STX18: variants seen among roughly 807,000 people sequenced by gnomAD.
STX18 encodes syntaxin 18, also known as syntaxin-18.
STX18 carries 40 observed loss-of-function variants against 50.1 expected under a neutral mutation model. The observed-to-expected ratio is 0.80, with a 90% CI of 0.62 to 1.04. STX18 has a LOEUF of 1.04. Among genes scored for constraint, STX18 ranks in the 50% least tolerant of loss-of-function variants. The pLI is 0.00. For synonymous variants in STX18, 158 were observed against 151.8 expected, an observed-to-expected ratio of 1.04 and a Z score of -0.30; for missense variants, 410 against 415.8, an observed-to-expected ratio of 0.99 and a Z score of 0.12.
At chr4:4,471,592 G>A in intron 2 of STX18, 47 bp downstream of exon 2, 1 of 1,332,710 alleles carries the variant, frequency 7.5e-7, no homozygotes, top group Non-Finnish European at 1.0e-6. Flanking sequence ...TATAGGTGTA[G>A]AAAAGAACAC....
chr4:4,423,847 G>C, intron 8 of STX18: 1 of 518,404 alleles, frequency 1.9e-6, no homozygotes, highest in African/African-American at 1.9e-5. Context: ...TCAGTCCCAA[G>C]AGGTGGGTGT....
intron 5 of STX18, among the ~76,000 whole-genome samples, chr4:4,445,871 G>A (rs1726374823): frequency 6.6e-6 from 1 of 152,028 alleles, no homozygotes; most frequent in African/African-American, 2.4e-5. Context: ...ATCTAAAATA[G>A]CAAAAACAAT....
At chr4:4,484,053 G>C (rs897976240) in intron 1 of STX18, among the ~76,000 whole-genome samples, 1 of 152,164 alleles carries the variant, frequency 6.6e-6, no homozygotes, top group Non-Finnish European at 1.5e-5. Flanking sequence ...TAGTAGAGAT[G>C]GGGTTTCACC....
intron 1 of STX18, among the ~76,000 whole-genome samples, chr4:4,526,107 G>A (rs907930965): frequency 1.1e-4 from 17 of 152,248 alleles, no homozygotes; most frequent in African/African-American, 2.9e-4. Flanking sequence ...GAATCTTTGC[G>A]TGGAGAATGA....
At chr4:4,497,314 T>C (rs1051977250) in intron 1 of STX18, among the ~76,000 whole-genome samples, 2 of 152,196 alleles carry the variant, frequency 1.3e-5, no homozygotes, top group Non-Finnish European at 2.9e-5. Flanking sequence ...TTTTCTAAAA[T>C]GCTTATAATG....
chr4:4,501,222 A>G (rs558352534), intron 1 of STX18, among the ~76,000 whole-genome samples: 1 of 152,236 alleles, frequency 6.6e-6, no homozygotes, highest in South Asian at 2.1e-4. Flanking sequence ...ATTCCTTAAC[A>G]TAACAGCTTT....
At chr4:4,539,414 T>A (rs1731479348) in intron 1 of STX18, among the ~76,000 whole-genome samples, 1 of 152,192 alleles carries the variant, frequency 6.6e-6, no homozygotes, top group Non-Finnish European at 1.5e-5. Context: ...GCACAGGACA[T>A]CCATCACTAG....
chr4:4,499,774 GAACTA>G (rs1261590244), intron 1 of STX18, among the ~76,000 whole-genome samples: 1 of 151,966 alleles, frequency 6.6e-6, no homozygotes, highest in East Asian at 1.9e-4. Flanking sequence ...CAGGTCAGAG[GAACTA>G]ACTAGTAGGC....
intron 1 of STX18, among the ~76,000 whole-genome samples, chr4:4,523,211 A>C (rs1410221228): frequency 1.3e-5 from 2 of 152,192 alleles, no homozygotes; most frequent in Non-Finnish European, 2.9e-5. Context: ...CAAGCTTATT[A>C]CTTGGAGGGA....
chr4:4,438,272 G>C, intron 6 of STX18, 122 bp downstream of exon 6: 4 of 757,800 alleles, frequency 5.3e-6, no homozygotes, highest in Non-Finnish European at 8.7e-6. Context: ...TGCTTCCTTT[G>C]CTTTATGCAA....
intron 1 of STX18, among the ~76,000 whole-genome samples, chr4:4,502,524 G>T (rs920409976): frequency 6.6e-6 from 1 of 152,012 alleles, no homozygotes; most frequent in Non-Finnish European, 1.5e-5. Context: ...AGGTTCACAG[G>T]TTTGGAGTCA....
upstream of STX18, chr4:4,542,133 A>G: frequency 1.1e-6 from 1 of 911,944 alleles, no homozygotes; most frequent in Non-Finnish European, 1.5e-6. Flanking sequence ...GGCGGGAGGA[A>G]AAAGGTTCCG....
chr4:4,438,316 A>G (rs1392662891), intron 6 of STX18, 78 bp downstream of exon 6: 1 of 1,083,614 alleles, frequency 9.2e-7, no homozygotes, highest in Non-Finnish European at 1.4e-6. Flanking sequence ...AGACTGTGCT[A>G]CTTCGTTCCT....
At chr4:4,478,629 C>T (rs1465552322) in intron 1 of STX18, 1 of 152,240 alleles carries the variant, frequency 6.6e-6, no homozygotes, top group East Asian at 1.9e-4. Context: ...GGGAGTTGGC[C>T]AAGGTGCCTG....
intron 5 of STX18, among the ~76,000 whole-genome samples, chr4:4,446,287 C>T (rs553787204): frequency 6.6e-6 from 1 of 151,960 alleles, no homozygotes; most frequent in Non-Finnish European, 1.5e-5. Context: ...ATCTTAGTGA[C>T]CTTGGGGTAG....
At chr4:4,452,346 C>T (rs1302472804) in intron 5 of STX18, among the ~76,000 whole-genome samples, 1 of 152,194 alleles carries the variant, frequency 6.6e-6, no homozygotes, top group Admixed American at 6.5e-5. Context: ...ATCAAAGTGG[C>T]TATACTAAAC....
At chr4:4,492,067 G>A (rs924601578) in intron 1 of STX18, among the ~76,000 whole-genome samples, 2 of 151,886 alleles carry the variant, frequency 1.3e-5, no homozygotes, top group African/African-American at 2.4e-5. Context: ...ATTTTTATGT[G>A]TTTAAACTTA....
chr4:4,503,625 C>G (rs958930176), intron 1 of STX18, among the ~76,000 whole-genome samples: 5 of 152,048 alleles, frequency 3.3e-5, no homozygotes, highest in African/African-American at 7.2e-5. Flanking sequence ...AACTTATCCA[C>G]GTAACCAAAA....
chr4:4,490,056 T>A (rs1307054789), intron 1 of STX18, among the ~76,000 whole-genome samples: 1 of 152,182 alleles, frequency 6.6e-6, no homozygotes, highest in African/African-American at 2.4e-5. Context: ...CATATTGCAA[T>A]GAATTTCACT....
Sources: allele counts gnomAD v4.1 joint callset (sites outside exome capture counted in the v4.1 genomes callset), GRCh38; gene constraint gnomAD v4.1.1; transcripts MANE v1.5; gene names NCBI Gene and HGNC (gene_info 2026-07-23, HGNC 2026-07-21).